The following SAMD12 variants were observed in gnomAD, a reference collection of about 807,000 sequenced individuals.
SAMD12 encodes sterile alpha motif domain containing 12.
In SAMD12, 9 loss-of-function variants were observed where a neutral mutation model predicts 15.0. That is an observed-to-expected ratio of 0.60 (90% CI 0.36 to 1.05). The LOEUF is 1.05. Among genes scored for constraint, SAMD12 ranks in the 50% least tolerant of loss-of-function variants. The probability of loss-of-function intolerance (pLI) is 0.01; values close to 1 mark genes in which losing one functional copy is unlikely to be tolerated. For synonymous variants in SAMD12, 86 were observed against 90.1 expected, an observed-to-expected ratio of 0.96 and a Z score of 0.25; for missense variants, 230 against 234.2, an observed-to-expected ratio of 0.98 and a Z score of 0.12.
chr8:118,141,346 G>C, the SAMD12 span, among the ~76,000 whole-genome samples: 1 of 152,178 alleles, frequency 6.6e-6, no homozygotes, highest in African/African-American at 2.4e-5. Flanking sequence ...CATTTACAAA[G>C]CCTGTTAGAA....
At chr8:118,558,668 C>G (rs1826615772) in intron 2 of SAMD12, among the ~76,000 whole-genome samples, 1 of 152,226 alleles carries the variant, frequency 6.6e-6, no homozygotes, top group Non-Finnish European at 1.5e-5. Context: ...ACGCCATTCT[C>G]CTGCCTCAGC....
At chr8:118,246,011 A>G (rs1336548565) in intron 4 of SAMD12, among the ~76,000 whole-genome samples, 1 of 152,158 alleles carries the variant, frequency 6.6e-6, no homozygotes, top group Non-Finnish European at 1.5e-5. Flanking sequence ...GGAAGCGTGG[A>G]TATAGAATGT....
intron 4 of SAMD12, among the ~76,000 whole-genome samples, chr8:118,200,395 T>C (rs1163110945): frequency 3.2e-5 from 3 of 94,220 alleles, no homozygotes; most frequent in Non-Finnish European, 6.3e-5. Context: ...AGGGCCCTAT[T>C]AGAGTACCAA....
At chr8:118,541,020 T>G (rs1825971238) in intron 2 of SAMD12, among the ~76,000 whole-genome samples, 1 of 152,152 alleles carries the variant, frequency 6.6e-6, no homozygotes, top group Admixed American at 6.5e-5. Context: ...CTGGCAGAAT[T>G]GCGTAAACCT....
intron 2 of SAMD12, among the ~76,000 whole-genome samples, chr8:118,465,462 T>C (rs1489603188): frequency 1.3e-5 from 2 of 152,168 alleles, no homozygotes; most frequent in Non-Finnish European, 2.9e-5. Context: ...TTTAAATCAA[T>C]AAAAGGGACT....
intron 2 of SAMD12, among the ~76,000 whole-genome samples, chr8:118,471,357 T>C (rs1400768091): frequency 3.3e-5 from 5 of 152,186 alleles, no homozygotes; most frequent in African/African-American, 9.7e-5. Flanking sequence ...GTCACCATTA[T>C]TTGGTGAGGG....
intron 4 of SAMD12, among the ~76,000 whole-genome samples, chr8:118,225,139 T>C (rs906774226): frequency 6.6e-6 from 1 of 152,282 alleles, no homozygotes; most frequent in South Asian, 2.1e-4. Context: ...GGATAAGACA[T>C]TTTTTATTAG....
intron 2 of SAMD12, among the ~76,000 whole-genome samples, chr8:118,497,739 G>GGGGGGAAA (rs1824665092): frequency 1.7e-5 from 1 of 58,244 alleles, no homozygotes; most frequent in African/African-American, 7.7e-5. Flanking sequence ...GGGGTGGGGG[G>GGGGGGAAA]AAAGAAAAAA....
At chr8:118,140,029 A>G in the SAMD12 span, among the ~76,000 whole-genome samples, 29 of 152,338 alleles carry the variant, frequency 1.9e-4, no homozygotes, top group Middle Eastern at 3.4e-3. Flanking sequence ...ACCAGCAGAC[A>G]GGAGCTGAAG....
intron 4 of SAMD12, among the ~76,000 whole-genome samples, chr8:118,299,563 C>T (rs1368943980): frequency 6.6e-6 from 1 of 152,100 alleles, no homozygotes; most frequent in Non-Finnish European, 1.5e-5. Flanking sequence ...TAGAGGGAAG[C>T]AAGGCAGAGC....
intron 4 of SAMD12, among the ~76,000 whole-genome samples, chr8:118,325,152 G>A (rs1275822869): frequency 6.6e-6 from 1 of 152,170 alleles, no homozygotes; most frequent in Admixed American, 6.6e-5. Context: ...CTTTAGTCTC[G>A]TGAGCCCAAG....
chr8:118,478,165 T>C (rs1182987711), intron 2 of SAMD12, among the ~76,000 whole-genome samples: 1 of 152,196 alleles, frequency 6.6e-6, no homozygotes, highest in Non-Finnish European at 1.5e-5. Flanking sequence ...TTTAATAAAC[T>C]ATTTATAAAA....
At chr8:118,470,424 T>C (rs1191702932) in intron 2 of SAMD12, among the ~76,000 whole-genome samples, 1 of 152,236 alleles carries the variant, frequency 6.6e-6, no homozygotes, top group African/African-American at 2.4e-5. Flanking sequence ...TACTTTCCTC[T>C]GTTTTTATAG....
At position 118,359,039 on chromosome 8, in the gene SAMD12, G is replaced by A. The variant is rs529164606; in HGVS notation, c.433+20521C>T. ...TGTGTGTGTGTGTATATATATATAT[G>A]TGTGTATTCTCCTTCTTTAACAACT... On this transcript the variant is annotated intron_variant, in intron 4 of 4. Coordinates refer to the SAMD12 transcript ENST00000409003. 4.5e-4 allele frequency among the ~76,000 whole-genome samples: 68 copies of A among 151,030 alleles called. 1 individual carries two copies. Among genetic ancestry groups the A allele is most frequent in the Admixed American group, 3.6e-3 (55 of 15,208 alleles).
At chr8:118,501,536 A>T (rs571541250) in intron 2 of SAMD12, among the ~76,000 whole-genome samples, 2 of 152,282 alleles carry the variant, frequency 1.3e-5, no homozygotes, top group South Asian at 4.1e-4. Context: ...TGGCCTGGCA[A>T]TCTCTCCAGC....
chr8:118,151,176 CT>C, the SAMD12 span, among the ~76,000 whole-genome samples: 3 of 151,940 alleles, frequency 2.0e-5, no homozygotes, highest in East Asian at 1.9e-4. Context: ...TTGTATGAGT[CT>C]TTTTTTTCTC....
intron 4 of SAMD12, among the ~76,000 whole-genome samples, chr8:118,270,922 A>G (rs1057513008): frequency 1.3e-5 from 2 of 152,326 alleles, no homozygotes; most frequent in South Asian, 2.1e-4. Flanking sequence ...GAGAAGTCCA[A>G]GGGGTTACTG....
chr8:118,349,658 A>G (rs1459692208), intron 4 of SAMD12, among the ~76,000 whole-genome samples: 1 of 152,248 alleles, frequency 6.6e-6, no homozygotes, highest in Non-Finnish European at 1.5e-5. Context: ...TACATGCTCA[A>G]TAAATGTGCA....
chr8:118,586,082 C>T (rs912200959), intron 1 of SAMD12, among the ~76,000 whole-genome samples: 1 of 152,102 alleles, frequency 6.6e-6, no homozygotes, highest in African/African-American at 2.4e-5. Context: ...TGAAAACACT[C>T]CCAGTTGCCC....
Sources: gnomAD v4.1 joint callset for allele counts (sites outside exome capture counted in the v4.1 genomes callset) on GRCh38, gnomAD v4.1.1 for gene constraint, MANE v1.5 for transcripts, NCBI Gene and HGNC (gene_info 2026-07-23, HGNC 2026-07-21) for gene names.